Variants in SH3D19 observed in about 807,000 individuals in gnomAD.
SH3D19 encodes SH3 domain containing 19, also known as SH3 domain-containing protein 19.
SH3D19 carries 58 observed loss-of-function variants against 112.1 expected under a neutral mutation model. The observed-to-expected ratio is 0.52, with a 90% CI of 0.42 to 0.64. The LOEUF is 0.64. SH3D19 is among the 30% of genes least tolerant of loss of function. SH3D19 has a pLI of 0.00. For synonymous variants in SH3D19, 391 were observed against 448.5 expected, an observed-to-expected ratio of 0.87 and a Z score of 1.62; for missense variants, 1,090 against 1,263.4, an observed-to-expected ratio of 0.86 and a Z score of 2.08.
At chr4:151,310,377 A>G (rs1486455263) in intron 1 of SH3D19, among the ~76,000 whole-genome samples, 1 of 152,110 alleles carries the variant, frequency 6.6e-6, no homozygotes, top group African/African-American at 2.4e-5. Flanking sequence ...CTGTTGCACC[A>G]AACAAAGAAA....
At chr4:151,159,394 T>C in intron 8 of SH3D19, 42 bp from the exon 9 acceptor site, 1 of 1,194,218 alleles carries the variant, frequency 8.4e-7, no homozygotes, top group South Asian at 1.4e-5. Flanking sequence ...TTCTAGTTTC[T>C]GGGATTCCAA....
chr4:151,235,052 C>T (rs1057292782), intron 1 of SH3D19, among the ~76,000 whole-genome samples: 2 of 152,078 alleles, frequency 1.3e-5, no homozygotes, highest in African/African-American at 4.8e-5. Context: ...ACCCAGCCTC[C>T]AACTTTTATT....
intron 2 of SH3D19, among the ~76,000 whole-genome samples, chr4:151,224,264 G>C (rs995891842): frequency 1.3e-5 from 2 of 151,988 alleles, no homozygotes; most frequent in Non-Finnish European, 2.9e-5. Context: ...AGCCGAGATT[G>C]TGCCACTGCA....
chr4:151,143,419 G>C (rs1238049445), intron 12 of SH3D19, among the ~76,000 whole-genome samples: 1 of 152,042 alleles, frequency 6.6e-6, no homozygotes, highest in African/African-American at 2.4e-5. Context: ...GGGAGCTAAA[G>C]TAAGGATTTT....
chr4:151,126,871 G>GAA (rs78715609), intron 19 of SH3D19, among the ~76,000 whole-genome samples: 2 of 110,762 alleles, frequency 1.8e-5, no homozygotes, highest in Non-Finnish European at 3.7e-5. Flanking sequence ...TTTCTTCGGT[G>GAA]AAAAAAAAAA....
chr4:151,164,238 A>G (rs533283790), intron 8 of SH3D19, among the ~76,000 whole-genome samples: 1 of 152,368 alleles, frequency 6.6e-6, no homozygotes, highest in African/African-American at 2.4e-5. Flanking sequence ...GACAAAGGAA[A>G]GAATGCATGC....
rs780953494 is a variant in SH3D19 at position 151,148,098 on chromosome 4, T to C, written c.1906A>G (p.Arg636Gly). 2 of 1,614,150 alleles carry C rather than the reference T, an allele frequency of 1.2e-6. No individual in the cohort carries two copies. The highest frequency in any genetic ancestry group is 1.7e-6 in the Non-Finnish European group (2 of 1,180,020). Residue 636 changes from arginine (R) to glycine (G), a missense_variant, in exon 11 of 20, where the codon AGA becomes GGA. Arg to Gly is a moderately radical substitution (Grantham distance 125, BLOSUM62 -2). Transcript: ENST00000604030. The stretch of plus-strand genomic sequence containing the variant: ...AAAGGCAGTTTCTTATTAGATCTTC[T>C]GGTTGCAGAAAGCTTTGGGGGAGGT... Reference protein sequence around the residue: ...RPPPPKLSATRRSNKKLPFNR... With the variant: ...RPPPPKLSATGRSNKKLPFNR...
Position 151,288,673 on chromosome 4 carries a change from T to TA in SH3D19, c.112+36567dup, listed in dbSNP as rs1213667786. Among the ~76,000 whole-genome samples, 426 of 146,450 alleles carry TA rather than the reference T, an allele frequency of 2.9e-3. 4 individuals are homozygous for TA. Among genetic ancestry groups the TA allele is most frequent in the African/African-American group, 8.7e-3 (348 of 40,010 alleles). Reference sequence around the variant, plus strand: ...GGGGCAACGAAGCGAGACTCTGTCTTAAAAAAAAAAGAAAAAAGAAAAAAG... The same window carrying TA: ...GGGGCAACGAAGCGAGACTCTGTCTTAAAAAAAAAAAGAAAAAAGAAAAAAG... On this transcript the variant is annotated intron_variant, in intron 1 of 19. Coordinates refer to ENST00000604030, the MANE Select transcript of SH3D19 (RefSeq NM_001378122.1).
At chr4:151,286,184 G>GAAAAAAAAAAAAA (rs56850648) in intron 1 of SH3D19, among the ~76,000 whole-genome samples, 1 of 86,624 alleles carries the variant, frequency 1.2e-5, no homozygotes, top group Non-Finnish European at 2.0e-5. Context: ...CTGTCTTAAA[G>GAAAAAAAAAAAAA]AAAAAAAAAA....
At position 151,325,452 on chromosome 4, in the gene SH3D19, G is replaced by A; in HGVS notation, c.-100C>T. 3.9e-6 allele frequency: 2 copies of A among 517,714 alleles called. No homozygotes were observed. Among genetic ancestry groups the A allele is most frequent in the Admixed American group, 4.9e-5 (1 of 20,444 alleles). The allele number at this position is 517,714 out of a possible 1,614,324, so 32.1% of individuals were successfully genotyped here. ...CGCCCCACGCCACCGCCCTCGGGCCGGGGGGAAGGCGGCTCCCGGAGAGGA... is the reference window on the plus strand; with the variant it reads ...CGCCCCACGCCACCGCCCTCGGGCCAGGGGGAAGGCGGCTCCCGGAGAGGA... On this transcript the variant is annotated 5_prime_UTR_variant, in exon 1 of 20. Coordinates refer to ENST00000604030, the MANE Select transcript of SH3D19 (RefSeq NM_001378122.1).
chr4:151,276,133 G>A (rs1433303447), intron 1 of SH3D19, among the ~76,000 whole-genome samples: 2 of 152,126 alleles, frequency 1.3e-5, no homozygotes, highest in East Asian at 1.9e-4. Flanking sequence ...ATGAGCCACC[G>A]TGCCTGGCCT....
At chr4:151,227,829 G>A in intron 1 of SH3D19, 2 of 985,388 alleles carry the variant, frequency 2.0e-6, no homozygotes, top group African/African-American at 3.5e-5. Flanking sequence ...TAGTTACATA[G>A]TTTACTTAGG....
intron 2 of SH3D19, among the ~76,000 whole-genome samples, chr4:151,203,721 T>A (rs575382681): frequency 3.9e-5 from 6 of 152,358 alleles, no homozygotes; most frequent in African/African-American, 1.4e-4. Context: ...ACTTTGTACT[T>A]GTATTCCCTT....
chr4:151,268,027 C>T (rs1479301533), intron 1 of SH3D19, among the ~76,000 whole-genome samples: 1 of 152,154 alleles, frequency 6.6e-6, no homozygotes, highest in Admixed American at 6.5e-5. Flanking sequence ...TGATGGAGAT[C>T]CGTCCTGAGA....
At chr4:151,223,655 T>C (rs1170408186) in intron 2 of SH3D19, among the ~76,000 whole-genome samples, 4 of 152,206 alleles carry the variant, frequency 2.6e-5, no homozygotes, top group African/African-American at 9.6e-5. Context: ...TTCCATCCCA[T>C]GCACTTCCCC....
intron 7 of SH3D19, among the ~76,000 whole-genome samples, chr4:151,172,978 A>G (rs182047521): frequency 6.6e-6 from 1 of 152,354 alleles, no homozygotes; most frequent in Non-Finnish European, 1.5e-5. Context: ...AAGACGCCCC[A>G]ATAATTAAAT....
Position 151,283,095 on chromosome 4 carries a change from TTGTTCC to T in SH3D19, c.112+42140_112+42145del, listed in dbSNP as rs542504024. 1.9e-5 allele frequency: 30 copies of T among 1,611,882 alleles called. No homozygotes were observed. In the East Asian group the frequency reaches 6.7e-4, roughly 36 times the overall value. On this transcript the variant is annotated intron_variant, in intron 1 of 19. Transcript: ENST00000604030. ...CACTTTTCTAGGTTGCTTTAATCTTTTGTTCCTGTCTTCCTCCACAGATAGAGATTA... is the reference window on the plus strand; with the variant it reads ...CACTTTTCTAGGTTGCTTTAATCTTTTGTCTTCCTCCACAGATAGAGATTA...
At chr4:151,221,004 A>G (rs914803065) in intron 2 of SH3D19, among the ~76,000 whole-genome samples, 1 of 152,244 alleles carries the variant, frequency 6.6e-6, no homozygotes, top group African/African-American at 2.4e-5. Flanking sequence ...GGCAGCAAGC[A>G]AATCAACATC....
chr4:151,276,315 T>C (rs1341256872), intron 1 of SH3D19, among the ~76,000 whole-genome samples: 19 of 152,222 alleles, frequency 1.2e-4, no homozygotes. Context: ...GTAGATGTTG[T>C]GGTGTACCAT....
Sources: allele counts gnomAD v4.1 joint callset (sites outside exome capture counted in the v4.1 genomes callset), GRCh38; gene constraint gnomAD v4.1.1; transcripts MANE v1.5; gene names NCBI Gene and HGNC (gene_info 2026-07-23, HGNC 2026-07-21).